AKAP13: variants seen among roughly 807,000 people sequenced by gnomAD.
AKAP13 encodes the protein A-kinase anchor protein 13.
In AKAP13, 80 loss-of-function variants were observed where a neutral mutation model predicts 264.5. That is an observed-to-expected ratio of 0.30 (90% CI 0.25 to 0.36). The LOEUF (loss-of-function observed/expected upper bound fraction) is 0.36. AKAP13 is among the 10% of genes least tolerant of loss of function. The pLI, the probability that AKAP13 is intolerant of heterozygous loss-of-function variation, is 1.00. For missense variants in AKAP13, 3,712 were observed against 3,435.2 expected, an observed-to-expected ratio of 1.08 and a Z score of -2.01; for synonymous variants, 1,380 against 1,250.2, an observed-to-expected ratio of 1.10 and a Z score of -2.19.
At chr15:85,501,534 T>A (rs1162710933) in intron 2 of AKAP13, among the ~76,000 whole-genome samples, 1 of 152,238 alleles carries the variant, frequency 6.6e-6, no homozygotes, top group Non-Finnish European at 1.5e-5. Context: ...GAAATGTGTA[T>A]TGTGTTCAAA....
chr15:85,520,498 C>CAAAAAAAAA, intron 2 of AKAP13, among the ~76,000 whole-genome samples: 1 of 71,302 alleles, frequency 1.4e-5, no homozygotes, highest in Non-Finnish European at 3.0e-5. Context: ...AACTCCGTCT[C>CAAAAAAAAA]AAAAAAAAAA....
intron 6 of AKAP13, among the ~76,000 whole-genome samples, chr15:85,575,739 A>G (rs1257922036): frequency 6.6e-6 from 1 of 151,986 alleles, no homozygotes; most frequent in African/African-American, 2.4e-5. Flanking sequence ...CATGCCTGTA[A>G]TCCCAGCACT....
rs971657961 is a variant in AKAP13, at chr15:85,682,167, C to G, written c.5111C>G (p.Pro1704Arg). The stretch of plus-strand genomic sequence containing the variant: ...CTGCCTTGTTTTCTAGATTCACGGC[C>G]CTTCCACAGTACCTTCCACAATACC... ...ISHPGLDNSR[P>R]FHSTFHNTSA... Residue 1704 changes from proline (P) to arginine (R), a missense_variant, in exon 15 of 37, where the codon CCC becomes CGC. Pro to Arg is a moderately radical substitution (Grantham distance 103). Transcript: ENST00000394518. 6.2e-7 allele frequency: 1 copy of G among 1,613,430 alleles called. No individual in the cohort carries two copies.
intron 18 of AKAP13, among the ~76,000 whole-genome samples, chr15:85,709,710 C>CAG (rs2086525952): frequency 9.0e-6 from 1 of 111,288 alleles, no homozygotes; most frequent in African/African-American, 3.2e-5. Context: ...ATTTTAGAGA[C>CAG]AGAGTCTCAC....
Position 85,579,191 on chromosome 15 carries a change from G to A in AKAP13, c.1123G>A (p.Gly375Ser), listed in dbSNP as rs746783128. Residue 375 changes from glycine to serine, a missense_variant, in exon 7 of 37, where the codon GGC becomes AGC. Physicochemically the swap from Gly to Ser is moderately conservative, Grantham distance 56. This residue lies in a region of AKAP13 where 2,759 missense variants were observed against 2,411.7 expected (regional missense o/e 1.14). Transcript: ENST00000394518. ...TDRSCRKKNK[G>S]VERKGEEVEP... is the part of the protein sequence containing the mutation. ...CCGTTCCTGTAGGAAGAAAAATAAAGGCGTGGAAAGAAAAGGGGAAGAGGT... is the reference window on the plus strand; with the variant it reads ...CCGTTCCTGTAGGAAGAAAAATAAAAGCGTGGAAAGAAAAGGGGAAGAGGT... The A allele has an allele frequency of 6.2e-7, 1 of 1,614,210 alleles. No individual in the cohort carries two copies.
intron 33 of AKAP13, among the ~76,000 whole-genome samples, chr15:85,736,417 G>A (rs2088507196): frequency 7.7e-6 from 1 of 130,038 alleles, no homozygotes; most frequent in Non-Finnish European, 1.7e-5. Flanking sequence ...GCCTCTTGCT[G>A]TTTTTTTGTT....
rs933200396 is a variant in AKAP13, at chr15:85,579,131, G to C, written c.1063G>C (p.Asp355His). The stretch of plus-strand genomic sequence containing the variant: ...TGTTGCACAGACTGAAAGTCCCTGT[G>C]ATTTGTCAAGCATAGTTGAGGAGGA... ...SPVAQTESPC[D>H]LSSIVEEENT... The change falls in exon 7 of 37, where the codon GAT becomes CAT. Residue 355 changes from aspartate (D) to histidine (H), a missense_variant. Physicochemically the swap from Asp to His is moderately conservative, Grantham distance 81 (BLOSUM62 -1). Coordinates refer to ENST00000394518, the MANE Select transcript of AKAP13 (RefSeq NM_007200.5). 1.9e-6 allele frequency: 3 copies of C among 1,614,168 alleles called. No individual in the cohort carries two copies. The highest frequency in any genetic ancestry group is 2.5e-6 in the Non-Finnish European group (3 of 1,180,042).
intron 3 of AKAP13, among the ~76,000 whole-genome samples, chr15:85,528,334 CACTT>C (rs1347363952): frequency 6.6e-6 from 1 of 152,184 alleles, no homozygotes; most frequent in East Asian, 1.9e-4. Context: ...TTTCCCTCCT[CACTT>C]AATTTTTTTA....
At chr15:85,665,689 A>T (rs1248067262) in intron 13 of AKAP13, among the ~76,000 whole-genome samples, 1 of 151,582 alleles carries the variant, frequency 6.6e-6, no homozygotes, top group Non-Finnish European at 1.5e-5. Context: ...GCCCCCTACC[A>T]CACAACAGGC....
chr15:85,661,066 C>G (rs979713111), intron 12 of AKAP13, among the ~76,000 whole-genome samples: 1 of 152,218 alleles, frequency 6.6e-6, no homozygotes, highest in African/African-American at 2.4e-5. Context: ...TGTCCACAAG[C>G]TCTGCTTTTA....
intron 8 of AKAP13, among the ~76,000 whole-genome samples, chr15:85,613,713 T>TATA (rs1254657975): frequency 1.1e-4 from 12 of 110,698 alleles, no homozygotes; most frequent in Middle Eastern, 4.5e-3. Flanking sequence ...TATATATATA[T>TATA]TAGGAGTGCT....
intron 1 of AKAP13, among the ~76,000 whole-genome samples, chr15:85,436,987 A>G (rs1324086677): frequency 6.7e-6 from 1 of 150,182 alleles, no homozygotes; most frequent in Non-Finnish European, 1.5e-5. Flanking sequence ...AACTGAAGGA[A>G]ATAGAGACAC....
chr15:85,451,132 C>A (rs575143378), intron 1 of AKAP13, among the ~76,000 whole-genome samples: 15 of 152,138 alleles, frequency 9.9e-5, no homozygotes, highest in African/African-American at 3.6e-4. Flanking sequence ...TTTTTTGATC[C>A]TTGTTGGTTT....
At chr15:85,695,435 G>A (rs934232724) in intron 17 of AKAP13, among the ~76,000 whole-genome samples, 2 of 152,160 alleles carry the variant, frequency 1.3e-5, no homozygotes, top group East Asian at 3.9e-4. Context: ...CGTGTATTTG[G>A]ACAGATTGGA....
At chr15:85,549,508 A>C (rs547435264) in intron 5 of AKAP13, among the ~76,000 whole-genome samples, 1 of 152,236 alleles carries the variant, frequency 6.6e-6, no homozygotes, top group African/African-American at 2.4e-5. Context: ...TGGTTGGTAC[A>C]TTACAGATAT....
chr15:85,631,011 A>T (rs2151446668), intron 8 of AKAP13, among the ~76,000 whole-genome samples: 1 of 152,306 alleles, frequency 6.6e-6, no homozygotes, highest in East Asian at 1.9e-4. Flanking sequence ...TGAAAAAAAA[A>T]ACAACCACCC....
intron 5 of AKAP13, among the ~76,000 whole-genome samples, chr15:85,568,880 A>G (rs565467476): frequency 6.6e-6 from 1 of 152,294 alleles, no homozygotes; most frequent in South Asian, 2.1e-4. Flanking sequence ...TTTCTGATAG[A>G]TTGGGGGGTA....
chr15:85,686,248 A>C (rs781368233), intron 16 of AKAP13, among the ~76,000 whole-genome samples: 1 of 152,132 alleles, frequency 6.6e-6, no homozygotes, highest in Non-Finnish European at 1.5e-5. Context: ...ACGTAGATAC[A>C]TGCATATTTA....
rs533043891 is a variant in AKAP13 at position 85,391,567 on chromosome 15, C to G, written c.-12+10769C>G. 3.3e-5 allele frequency among the ~76,000 whole-genome samples: 5 copies of G among 151,296 alleles called. No individual in the cohort carries two copies. In the East Asian group the frequency reaches 5.8e-4, roughly 18 times the overall value. On this transcript the variant is annotated intron_variant, in intron 1 of 36. Transcript: ENST00000394518. ...TGGCGCGATCTCGGCTCACTGCAACCTCTCCCTTCTGGGCTCAAGTGAGTC... is the reference window on the plus strand; with the variant it reads ...TGGCGCGATCTCGGCTCACTGCAACGTCTCCCTTCTGGGCTCAAGTGAGTC...
Sources: allele counts gnomAD v4.1 joint callset (sites outside exome capture counted in the v4.1 genomes callset), GRCh38; gene constraint gnomAD v4.1.1; regional missense constraint gnomAD v4.1.1; transcripts MANE v1.5; gene names NCBI Gene and HGNC (gene_info 2026-07-23, HGNC 2026-07-21).